The following TMEFF2 variants were observed in gnomAD, a reference collection of about 807,000 sequenced individuals.
The protein encoded by TMEFF2 is tomoregulin-2.
In TMEFF2, 28 loss-of-function variants were observed where a neutral mutation model predicts 53.8. The observed-to-expected ratio is 0.52, with a 90% CI of 0.39 to 0.71. The LOEUF (loss-of-function observed/expected upper bound fraction) is 0.71, where lower values mean the gene tolerates loss of function less well. Ranked by LOEUF, TMEFF2 falls within the 30% of genes least tolerant of loss-of-function variation. The pLI, the probability that TMEFF2 is intolerant of heterozygous loss-of-function variation, is 0.00. For missense variants in TMEFF2, 353 were observed against 455.2 expected (o/e 0.78, Z 2.04); for synonymous variants, 162 against 166.3 (o/e 0.97, Z 0.20).
intron 4 of TMEFF2, among the ~76,000 whole-genome samples, chr2:192,073,922 A>G (rs994828084): frequency 1.2e-4 from 19 of 152,012 alleles, no homozygotes; most frequent in African/African-American, 4.6e-4. Flanking sequence ...GAAACACCAT[A>G]CATAAAAATG....
Position 192,049,153 on chromosome 2 carries a change from A to ATGTG in TMEFF2, c.536+8522_536+8525dup, listed in dbSNP as rs56231804. ...TATATAAGATAGATACATTTGGTCT[A>ATGTG]TGTGTGTGTGTGTGTGTGTGCATAC... On this transcript the variant is annotated intron_variant, in intron 5 of 9. Transcript: ENST00000272771. 3.5e-3 allele frequency among the ~76,000 whole-genome samples: 529 copies of ATGTG among 151,454 alleles called. 2 individuals are homozygous for ATGTG. Among genetic ancestry groups the ATGTG allele is most frequent in the African/African-American group, 0.011 (455 of 41,174 alleles).
In TMEFF2 at chr2:191,980,700, C is replaced by T. The variant is rs117248207; in HGVS notation, c.745+17562G>A. On this transcript the variant is annotated intron_variant, in intron 7 of 9. Coordinates refer to ENST00000272771, the MANE Select transcript of TMEFF2 (RefSeq NM_016192.4). ...CACATAATCATTTCCATGCCCTCTTCTCTCCAGACCTCCAGTCATCTATGT... is the reference window on the plus strand; with the variant it reads ...CACATAATCATTTCCATGCCCTCTTTTCTCCAGACCTCCAGTCATCTATGT... Among the ~76,000 whole-genome samples, 9 of 152,214 alleles carry T rather than the reference C, an allele frequency of 5.9e-5. No individual in the cohort carries two copies. The East Asian group carries it at 1.7e-3, about 29-fold the overall frequency.
At chr2:191,951,686 G>C (rs1192864847) in intron 9 of TMEFF2, among the ~76,000 whole-genome samples, 2 of 152,088 alleles carry the variant, frequency 1.3e-5, no homozygotes, top group African/African-American at 4.8e-5. Context: ...AGAGCAGAAT[G>C]TTTTCAGGTG....
At chr2:192,039,708 A>G (rs1221934336) in intron 5 of TMEFF2, among the ~76,000 whole-genome samples, 2 of 152,202 alleles carry the variant, frequency 1.3e-5, no homozygotes, top group African/African-American at 4.8e-5. Context: ...GACACCAGGC[A>G]TTCATTCTTA....
intron 3 of TMEFF2, among the ~76,000 whole-genome samples, chr2:192,179,994 C>T (rs1211850030): frequency 2.0e-5 from 3 of 151,244 alleles, no homozygotes; most frequent in African/African-American, 7.3e-5. Context: ...GGATTTGGTG[C>T]CATTAGCAAA....
intron 7 of TMEFF2, among the ~76,000 whole-genome samples, chr2:191,974,787 T>C (rs1438283438): frequency 6.6e-6 from 1 of 152,170 alleles, no homozygotes; most frequent in Non-Finnish European, 1.5e-5. Context: ...TTAGTCTATC[T>C]GGAGAAGAAT....
At chr2:192,010,777 G>A (rs62181509) in intron 5 of TMEFF2, among the ~76,000 whole-genome samples, 3,399 of 152,298 alleles carry the variant, frequency 0.022, 68 homozygotes, top group Middle Eastern at 0.085. Context: ...TCACTGAGCA[G>A]TAATAACTAC....
intron 4 of TMEFF2, among the ~76,000 whole-genome samples, chr2:192,115,220 A>G (rs1310404739): frequency 3.3e-5 from 5 of 152,164 alleles, no homozygotes; most frequent in African/African-American, 7.2e-5. Flanking sequence ...ACAACATGGT[A>G]GTGGCATAAA....
intron 5 of TMEFF2, among the ~76,000 whole-genome samples, chr2:192,026,932 G>A (rs969824693): frequency 1.3e-5 from 2 of 152,222 alleles, no homozygotes; most frequent in Admixed American, 6.5e-5. Context: ...TTAAAAGGGC[G>A]TAGCTCCCCT....
At chr2:192,054,142 C>A (rs980963650) in intron 5 of TMEFF2, among the ~76,000 whole-genome samples, 2 of 151,640 alleles carry the variant, frequency 1.3e-5, no homozygotes, top group African/African-American at 4.8e-5. Flanking sequence ...GCTTATTCTG[C>A]ATCTTGGAGC....
intron 5 of TMEFF2, among the ~76,000 whole-genome samples, chr2:192,046,746 C>A (rs556992293): frequency 6.6e-6 from 1 of 152,014 alleles, no homozygotes; most frequent in Non-Finnish European, 1.5e-5. Flanking sequence ...GTTGTGTTTT[C>A]TTTTTCCAAA....
chr2:192,078,580 T>C (rs888771772), intron 4 of TMEFF2, among the ~76,000 whole-genome samples: 1 of 152,202 alleles, frequency 6.6e-6, no homozygotes, highest in Non-Finnish European at 1.5e-5. Flanking sequence ...TCACTTATCC[T>C]TGCTGATTCT....
chr2:192,182,154 T>C (rs568311396), intron 3 of TMEFF2, among the ~76,000 whole-genome samples: 2 of 151,996 alleles, frequency 1.3e-5, no homozygotes, highest in South Asian at 2.1e-4. Flanking sequence ...TGAAATATAA[T>C]AAATATAAAG....
intron 5 of TMEFF2, chr2:192,021,868 C>G (rs1186963232): frequency 6.6e-6 from 1 of 152,216 alleles, no homozygotes; most frequent in African/African-American, 2.4e-5. Context: ...AAGTCCTTAG[C>G]TCATAGCTTA....
chr2:192,102,202 A>G (rs777272722), intron 4 of TMEFF2, among the ~76,000 whole-genome samples: 2 of 152,148 alleles, frequency 1.3e-5, no homozygotes, highest in South Asian at 4.1e-4. Context: ...AAGAAAAACA[A>G]AAAAAATGAA....
chr2:192,037,626 GGAGAGAAAGAGAGAGAA>G (rs1559096885), intron 5 of TMEFF2, among the ~76,000 whole-genome samples: 34 of 74,936 alleles, frequency 4.5e-4, no homozygotes, highest in South Asian at 8.1e-4. Context: ...AAGAGAGAGA[GGAGAGAAAGAGAGAGAA>G]AGAGAGAGAG....
At chr2:192,193,761 T>G (rs7584510) in intron 1 of TMEFF2, among the ~76,000 whole-genome samples, 16,744 of 46,588 alleles carry the variant, frequency 0.36, 1,902 homozygotes, top group East Asian at 0.5. Context: ...GATAGATAGA[T>G]AGAGAGAGAG....
At chr2:192,035,600 A>G (rs1056518582) in intron 5 of TMEFF2, among the ~76,000 whole-genome samples, 4 of 152,000 alleles carry the variant, frequency 2.6e-5, no homozygotes, top group African/African-American at 7.2e-5. Flanking sequence ...ATATCCAGTT[A>G]TTTTCAGTAA....
At chr2:192,055,865 C>T (rs1306227351) in intron 5 of TMEFF2, among the ~76,000 whole-genome samples, 2 of 151,578 alleles carry the variant, frequency 1.3e-5, no homozygotes, top group Non-Finnish European at 2.9e-5. Flanking sequence ...ATGGTCAAAC[C>T]AGTGCATAGA....
Sources: allele counts gnomAD v4.1 joint callset (sites outside exome capture counted in the v4.1 genomes callset), GRCh38; gene constraint gnomAD v4.1.1; transcripts MANE v1.5; gene names NCBI Gene and HGNC (gene_info 2026-07-23, HGNC 2026-07-21).